Variants in LRRC66 observed in about 807,000 individuals in gnomAD.
LRRC66 encodes leucine rich repeat containing 66.
In LRRC66, 29 loss-of-function variants were observed where a neutral mutation model predicts 24.6. The ratio of observed to expected loss-of-function variants is 1.18; its 90% confidence interval spans 0.88 to 1.61. LRRC66 has a LOEUF of 1.61. Among genes scored for constraint, LRRC66 ranks in the 40% most tolerant of loss-of-function variants. The pLI, the probability that LRRC66 is intolerant of heterozygous loss-of-function variation, is 0.00. For missense variants in LRRC66, 1,124 were observed against 1,058.0 expected (o/e 1.06, Z -0.87); for synonymous variants, 411 against 397.6 (o/e 1.03, Z -0.40).
At position 51,995,924 on chromosome 4, in the gene LRRC66, G is replaced by A. The variant is rs1402505696; in HGVS notation, c.1098C>T (p.Gly366=). 4 of 1,613,992 alleles carry A rather than the reference G, an allele frequency of 2.5e-6. No individual in the cohort carries two copies. The South Asian group carries it at 4.4e-5, about 18-fold the overall frequency. ...GGTCCTGGGGAGCGTCCTCTTTTTTGCCGGCAGCCTGCACATCGCGGGTGC... is the reference window on the plus strand; with the variant it reads ...GGTCCTGGGGAGCGTCCTCTTTTTTACCGGCAGCCTGCACATCGCGGGTGC... ...VRSTRDVQAA[G]KKEDAPQDLA... The change falls in exon 5 of 5, where the codon GGC becomes GGT. Residue 366 remains glycine, a synonymous_variant. Coordinates refer to ENST00000682860, the MANE Select transcript of LRRC66 (RefSeq NM_001024611.3).
intron 2 of LRRC66, among the ~76,000 whole-genome samples, chr4:52,004,866 C>A (rs749132807): frequency 2.0e-5 from 3 of 152,140 alleles, no homozygotes; most frequent in Non-Finnish European, 4.4e-5. Flanking sequence ...GCAAGGCAGT[C>A]GGTGCTGAGG....
chr4:51,995,525 A>G lies in LRRC66; in HGVS notation c.1497T>C (p.Ser499=). ...GQCGDNTGAG[S]GNDGAVYSIL... The stretch of plus-strand genomic sequence containing the variant: ...TGGAATAGACTGCACCATCATTTCC[A>G]CTTCCTGCCCCGGTGTTGTCCCCGC... The change falls in exon 5 of 5, where the codon AGT becomes AGC. Residue 499 remains serine, a synonymous_variant. Transcript: ENST00000682860. 6.2e-7 allele frequency: 1 copy of G among 1,613,968 alleles called. No individual in the cohort carries two copies. The highest frequency in any genetic ancestry group is 1.1e-5 in the South Asian group (1 of 91,060).
At chr4:52,009,191 C>T (rs567340153) in intron 2 of LRRC66, among the ~76,000 whole-genome samples, 58 of 152,208 alleles carry the variant, frequency 3.8e-4, no homozygotes, top group African/African-American at 1.3e-3. Flanking sequence ...TTTGACTCAA[C>T]TAAAAATGAA....
At chr4:51,997,644 A>G in intron 4 of LRRC66, 104 bp downstream of exon 4, 1 of 1,000,260 alleles carries the variant, frequency 1.0e-6, no homozygotes. Flanking sequence ...AAGGATCAGC[A>G]CTTTTGCTTT....
At chr4:52,001,361 G>A (rs1393989661) in intron 3 of LRRC66, among the ~76,000 whole-genome samples, 3 of 152,172 alleles carry the variant, frequency 2.0e-5, no homozygotes, top group Non-Finnish European at 2.9e-5. Context: ...AGGACTTGAG[G>A]TGAAAACAGA....
chr4:51,999,691 G>A (rs971098671), intron 3 of LRRC66, among the ~76,000 whole-genome samples: 3 of 152,102 alleles, frequency 2.0e-5, no homozygotes, highest in Non-Finnish European at 4.4e-5. Flanking sequence ...AAACTGGAGG[G>A]AGGATAGAAA....
chr4:52,007,544 C>G (rs1172003096), intron 2 of LRRC66, among the ~76,000 whole-genome samples: 3 of 152,254 alleles, frequency 2.0e-5, no homozygotes, highest in Middle Eastern at 3.4e-3. Flanking sequence ...ATGCTTGTTA[C>G]ATTCCTTAAA....
chr4:51,998,534 G>C (rs1375264840), intron 3 of LRRC66, among the ~76,000 whole-genome samples: 1 of 152,184 alleles, frequency 6.6e-6, no homozygotes, highest in Non-Finnish European at 1.5e-5. Flanking sequence ...TTACAGGCAC[G>C]CACCTGACCT....
chr4:52,007,211 GCT>G (rs1170200219), intron 2 of LRRC66, among the ~76,000 whole-genome samples: 1 of 152,106 alleles, frequency 6.6e-6, no homozygotes, highest in Non-Finnish European at 1.5e-5. Context: ...ACAGGATCTT[GCT>G]CTGTCACCAG....
intron 2 of LRRC66, among the ~76,000 whole-genome samples, chr4:52,014,837 C>A (rs1578118728): frequency 6.6e-6 from 1 of 152,208 alleles, no homozygotes; most frequent in African/African-American, 2.4e-5. Context: ...TCTTTTCATT[C>A]ATCTCTCTAT....
rs1488756298 is a variant in LRRC66, at chr4:51,996,075, A to C, written c.947T>G (p.Leu316Arg). The change falls in exon 5 of 5, where the codon CTC becomes CGC. Residue 316 changes from leucine (L) to arginine (R), a missense_variant. Coordinates refer to ENST00000682860, the MANE Select transcript of LRRC66 (RefSeq NM_001024611.3). The part of the protein sequence containing the change: ...PPIHLHRMKS[L>R]IRSKAERPQG... ...GGGCCTCTCTGCTTTGCTCCTTATG[A>C]GGCTTTTCATGCGATGCAGATGAAT... 6.2e-7 allele frequency: 1 copy of C among 1,613,862 alleles called. No individual in the cohort carries two copies. Among genetic ancestry groups the C allele is most frequent in the Non-Finnish European group, 8.5e-7 (1 of 1,179,984 alleles).
intron 2 of LRRC66, among the ~76,000 whole-genome samples, chr4:52,011,882 T>C (rs568248961): frequency 6.6e-6 from 1 of 152,240 alleles, no homozygotes; most frequent in African/African-American, 2.4e-5. Context: ...ATAAGATGTG[T>C]AAAAGAATTA....
Position 51,995,043 on chromosome 4 carries a change from T to C in LRRC66, c.1979A>G (p.Asp660Gly). 1 of 1,614,076 alleles carries C rather than the reference T, an allele frequency of 6.2e-7. No individual in the cohort carries two copies. The highest frequency in any genetic ancestry group is 8.5e-7 in the Non-Finnish European group (1 of 1,180,020). ...GACTGATGGGCCTGTGTCTCTTGGG[T>C]CACCGTATGGAACCTCGCTGTAGTG... ...SAHYSEVPYGDPRDTGPSVFP... is the reference protein window; with the variant it reads ...SAHYSEVPYGGPRDTGPSVFP... The change falls in exon 5 of 5, where the codon GAC becomes GGC. Residue 660 changes from aspartate to glycine, a missense_variant. Transcript: ENST00000682860.
rs751722982 is a variant in LRRC66, at chr4:51,995,414, T to C, written c.1608A>G (p.Glu536=). 6.2e-7 allele frequency: 1 copy of C among 1,614,218 alleles called. No homozygotes were observed. Among genetic ancestry groups the C allele is most frequent in the Non-Finnish European group, 8.5e-7 (1 of 1,180,046 alleles). ...CCTGGGCCACAGTTTCATAAGTCCA[T>C]TCTCCGAGAATATCATTCCTATGGA... ...DHIHRNDILG[E]WTYETVAQEE... is the part of the protein sequence containing the mutation. Residue 536 remains glutamate (E), a synonymous_variant, in exon 5 of 5, where the codon GAA becomes GAG. Transcript: ENST00000682860.
intron 2 of LRRC66, among the ~76,000 whole-genome samples, chr4:52,006,347 T>C (rs537244807): frequency 7.9e-5 from 12 of 152,124 alleles, no homozygotes; most frequent in Admixed American, 5.9e-4. Flanking sequence ...GTGGCACATA[T>C]ACACCATGGA....
Position 51,995,063 on chromosome 4 carries a change from G to A in LRRC66, c.1959C>T (p.Tyr653=). The A allele has an allele frequency of 1.2e-6, 2 of 1,614,206 alleles. No homozygotes were observed. The highest frequency in any genetic ancestry group is 1.7e-6 in the Non-Finnish European group (2 of 1,180,048). Reference sequence around the variant, plus strand: ...TTGGGTCACCGTATGGAACCTCGCTGTAGTGGGCTGAAAGCGCTTCCTCAG... The same window carrying A: ...TTGGGTCACCGTATGGAACCTCGCTATAGTGGGCTGAAAGCGCTTCCTCAG... The part of the protein sequence containing the change: ...ARAEEALSAH[Y]SEVPYGDPRD... The change falls in exon 5 of 5, where the codon TAC becomes TAT. Residue 653 remains tyrosine, a synonymous_variant. Transcript: ENST00000682860.
intron 1 of LRRC66, among the ~76,000 whole-genome samples, chr4:52,019,627 T>C (rs1450995259): frequency 1.3e-5 from 2 of 152,240 alleles, no homozygotes; most frequent in African/African-American, 4.8e-5. Context: ...TACAGTGTGC[T>C]TCTTATGCAA....
Position 51,995,255 on chromosome 4 carries a change from A to G in LRRC66, c.1767T>C (p.Cys589=). The change falls in exon 5 of 5, where the codon TGT becomes TGC. Residue 589 remains cysteine, a synonymous_variant. Transcript: ENST00000682860. ...SLSGEITASL[C]KMLTHAEAQR... ...GTGCTTCTGCATGTGTTAGCATTTT[A>G]CAGAGGGAAGCTGTTATTTCTCCGG... The G allele has an allele frequency of 6.2e-7, 1 of 1,614,150 alleles. No individual in the cohort carries two copies. Among genetic ancestry groups the G allele is most frequent in the South Asian group, 1.1e-5 (1 of 91,086 alleles).
rs1463130172 is a variant in LRRC66, at chr4:51,994,766, A to C, written c.2256T>G (p.Ser752Arg). ...TTTGGAAGGTAACATTTTCCTCAAGACTGTCTACAGCCGTCACATTGTCCT... is the reference window on the plus strand; with the variant it reads ...TTTGGAAGGTAACATTTTCCTCAAGCCTGTCTACAGCCGTCACATTGTCCT... ...ASKDNVTAVD[S>R]LEENVTFQTI... The change falls in exon 5 of 5, where the codon AGT becomes AGG. Residue 752 changes from serine to arginine, a missense_variant. Ser to Arg is a moderately radical substitution (Grantham distance 110, BLOSUM62 -1). Coordinates refer to ENST00000682860, the MANE Select transcript of LRRC66 (RefSeq NM_001024611.3). The C allele has an allele frequency of 1.9e-6, 3 of 1,614,170 alleles. No homozygotes were observed. In the Admixed American group the frequency reaches 5.0e-5, roughly 27 times the overall value.
Sources: gnomAD v4.1 joint callset for allele counts (sites outside exome capture counted in the v4.1 genomes callset) on GRCh38, gnomAD v4.1.1 for gene constraint, MANE v1.5 for transcripts, NCBI Gene and HGNC (gene_info 2026-07-23, HGNC 2026-07-21) for gene names.